HEATR5A: variants seen among roughly 807,000 people sequenced by gnomAD.
HEATR5A encodes the protein HEAT repeat containing 5A, also known as HEAT repeat-containing protein 5A.
In HEATR5A, 178 loss-of-function variants were observed where a neutral mutation model predicts 218.8. The ratio of observed to expected loss-of-function variants is 0.81; its 90% CI spans 0.72 to 0.92. HEATR5A has a LOEUF of 0.92. HEATR5A is among the 40% of genes least tolerant of loss of function. The pLI, the probability that HEATR5A is intolerant of heterozygous loss-of-function variation, is 0.00. For missense variants in HEATR5A, 2,420 were observed against 2,418.9 expected (o/e 1.00, Z -0.01); for synonymous variants, 864 against 871.6 (o/e 0.99, Z 0.15).
In HEATR5A at chr14:31,398,775, A is replaced by G. The variant is rs142425253; in HGVS notation, c.345T>C (p.Ala115=). 4 of 1,509,196 alleles carry G rather than the reference A, an allele frequency of 2.7e-6. No homozygotes were observed. In the East Asian group the frequency reaches 9.8e-5, roughly 37 times the overall value. The allele number at this position is 1,509,196 out of a possible 1,614,324, so 93.5% of individuals were successfully genotyped here. The part of the protein sequence containing the change: ...SPSYLPTKLA[A]VVCLGSLYKK... ...TGTACAAGGAACCCAAACATACCAC[A>G]GCAGCACTGAAACAACATTTAAATT... Residue 115 remains alanine (A), a synonymous_variant, in exon 4 of 36, where the codon GCT becomes GCC. Transcript: ENST00000543095.
Position 31,326,168 on chromosome 14 carries a change from G to A in HEATR5A, c.3542C>T (p.Ser1181Leu). Residue 1181 changes from serine (S) to leucine (L), a missense_variant, in exon 23 of 36, where the codon TCA (serine) becomes TTA (leucine). By Grantham distance (145) the Ser-to-Leu change is moderately radical (BLOSUM62 -2). Coordinates refer to ENST00000543095, the MANE Select transcript of HEATR5A (RefSeq NM_015473.4). ...TGATAATGTCCAATACTTACCAGCT[G>A]ATGCAGCAAGTACATCTTTACAAAG... ...LKLCKDVLAA[S>L]ADFTAVTCVD... 1.9e-6 allele frequency: 3 copies of A among 1,609,348 alleles called. No homozygotes were observed. Among genetic ancestry groups the A allele is most frequent in the South Asian group, 2.2e-5 (2 of 90,994 alleles).
chr14:31,353,786 G>A (rs757044728), intron 16 of HEATR5A, among the ~76,000 whole-genome samples: 2 of 151,390 alleles, frequency 1.3e-5, no homozygotes, highest in Non-Finnish European at 2.9e-5. Flanking sequence ...CATTGTTTAA[G>A]TCCATATTTA....
At chr14:31,377,912 T>C (rs1336954051) in intron 11 of HEATR5A, among the ~76,000 whole-genome samples, 1 of 152,258 alleles carries the variant, frequency 6.6e-6, no homozygotes, top group Non-Finnish European at 1.5e-5. Context: ...TCCCTTTTTG[T>C]ATGCTGATTA....
At position 31,306,761 on chromosome 14, in the gene HEATR5A, T is replaced by C. The variant is rs1199490266; in HGVS notation, c.4937A>G (p.His1646Arg). The C allele has an allele frequency of 2.5e-6, 4 of 1,611,850 alleles. No individual in the cohort carries two copies. The highest frequency in any genetic ancestry group is 1.7e-4 in the Middle Eastern group (1 of 6,058). The change falls in exon 31 of 36, where the codon CAT becomes CGT. Residue 1646 changes from histidine to arginine, a missense_variant. Coordinates refer to ENST00000543095, the MANE Select transcript of HEATR5A (RefSeq NM_015473.4). ...TGCACTTCGTCTTTTTTCCTTCACA[T>C]GTTCTTGAGCAGCACAGATAATCTG... ...VRQIICAAQE[H>R]VKEKRRSAEV...
At chr14:31,343,770 G>C (rs1012914676) in intron 21 of HEATR5A, 126 bp downstream of exon 21, 5 of 655,458 alleles carry the variant, frequency 7.6e-6, no homozygotes, top group Admixed American at 8.1e-5. Context: ...TAGAACTGAG[G>C]GGAAATAGCT....
intron 1 of HEATR5A, among the ~76,000 whole-genome samples, chr14:31,406,161 G>A (rs920417487): frequency 4.6e-5 from 7 of 152,078 alleles, no homozygotes; most frequent in South Asian, 2.1e-4. Flanking sequence ...TCTGCTATAC[G>A]TTTTAAAATA....
At position 31,398,661 on chromosome 14, in the gene HEATR5A, G is replaced by C. The variant is rs1412326126; in HGVS notation, c.447+12C>G. The stretch of plus-strand genomic sequence containing the variant: ...GTCTTTTCATTCTTTGGCTGAACTT[G>C]TAATTACTTACCTCTGCACTCTTCA... On this transcript the variant is annotated intron_variant, in intron 4 of 35. Coordinates refer to ENST00000543095, the MANE Select transcript of HEATR5A (RefSeq NM_015473.4). The C allele has an allele frequency of 3.7e-6, 5 of 1,365,978 alleles. No homozygotes were observed. Among genetic ancestry groups the C allele is most frequent in the Admixed American group, 4.1e-5 (2 of 49,022 alleles). The allele number at this position is 1,365,978 out of a possible 1,614,324, so 84.6% of individuals were successfully genotyped here.
chr14:31,292,834 G>A lies in HEATR5A; in HGVS notation c.*471C>T, dbSNP rs1166791181. On this transcript the variant is annotated 3_prime_UTR_variant, in exon 36 of 36. Coordinates refer to ENST00000543095, the MANE Select transcript of HEATR5A (RefSeq NM_015473.4). ...CCGACTTCGTGATCCGCCCGCCTTG[G>A]CCTTCCAAAGTGCTGGAATTACAGG... 1.3e-5 allele frequency: 2 copies of A among 153,020 alleles called. No individual in the cohort carries two copies. The highest frequency in any genetic ancestry group is 4.8e-5 in the African/African-American group (2 of 41,430). 9.5% of individuals were successfully genotyped at this position (153,020 alleles called of 1,614,324 possible). A position where few individuals can be genotyped will look rare whatever the true frequency, so the allele number is the denominator to read the frequency against.
At chr14:31,359,101 T>C in intron 14 of HEATR5A, 44 bp from the exon 15 acceptor site, 1 of 1,553,254 alleles carries the variant, frequency 6.4e-7, no homozygotes, top group Non-Finnish European at 8.7e-7. Context: ...ATTAATTATC[T>C]GGTGAGAGTA....
At chr14:31,371,549 A>G (rs1049280632) in intron 13 of HEATR5A, 2 of 253,966 alleles carry the variant, frequency 7.9e-6, no homozygotes, top group Non-Finnish European at 1.5e-5. Flanking sequence ...TAAAATGCAT[A>G]GCTGAAAAGG....
chr14:31,347,749 T>TG lies in HEATR5A; in HGVS notation c.2866dup (p.Gln956ProfsTer13). 1.9e-6 allele frequency: 3 copies of TG among 1,590,284 alleles called. No homozygotes were observed. The highest frequency in any genetic ancestry group is 2.6e-6 in the Non-Finnish European group (3 of 1,171,268). The stretch of plus-strand genomic sequence containing the variant: ...GGAAGTATCACATGAGGTACCCACC[T>TG]GCACATCAGGAGAAGTGCTGTCCTG... On this transcript the variant is annotated frameshift_variant and splice_region_variant, in exon 19 of 36. Transcript: ENST00000543095. LOFTEE classifies it high-confidence loss of function.
At chr14:31,392,538 C>G (rs1244892721) in intron 6 of HEATR5A, among the ~76,000 whole-genome samples, 1 of 152,076 alleles carries the variant, frequency 6.6e-6, no homozygotes, top group Non-Finnish European at 1.5e-5. Context: ...ATTAGAGATT[C>G]CTGAATAATC....
chr14:31,352,900 G>A (rs1901282697), intron 16 of HEATR5A, among the ~76,000 whole-genome samples: 1 of 151,656 alleles, frequency 6.6e-6, no homozygotes, highest in Non-Finnish European at 1.5e-5. Flanking sequence ...AGGTTGCAGT[G>A]AGCTGAGATG....
rs775214457 is a variant in HEATR5A at position 31,315,854 on chromosome 14, C to T, written c.4134G>A (p.Gln1378=). The T allele has an allele frequency of 9.6e-5, 154 of 1,611,220 alleles. No homozygotes were observed. The highest frequency in any genetic ancestry group is 1.1e-4 in the Non-Finnish European group (125 of 1,178,634). ...QLLVSSLTKI[Q]AGKEALSHLY... is the part of the protein sequence containing the mutation. ...AGTGACTTAGAGCTTCTTTTCCAGC[C>T]TGTATTTTAGTTAACGATGAAACAA... is the stretch of plus-strand genomic sequence containing the variant. Residue 1378 remains glutamine (Q), a synonymous_variant, in exon 27 of 36, where the codon CAG becomes CAA. Transcript: ENST00000543095.
intron 14 of HEATR5A, among the ~76,000 whole-genome samples, chr14:31,359,580 A>G (rs1422788983): frequency 6.6e-6 from 1 of 151,020 alleles, no homozygotes; most frequent in African/African-American, 2.4e-5. Context: ...CACAAAAATT[A>G]GCCGGGCGTG....
At chr14:31,405,397 G>A (rs2031026608) in intron 1 of HEATR5A, among the ~76,000 whole-genome samples, 1 of 152,152 alleles carries the variant, frequency 6.6e-6, no homozygotes, top group Non-Finnish European at 1.5e-5. Flanking sequence ...TCACACCACT[G>A]CACTCCAGAC....
At chr14:31,335,569 C>A (rs1205550142) in intron 22 of HEATR5A, among the ~76,000 whole-genome samples, 1 of 152,076 alleles carries the variant, frequency 6.6e-6, no homozygotes, top group Non-Finnish European at 1.5e-5. Flanking sequence ...ATATTATGGA[C>A]CTAAAAGCTT....
At chr14:31,379,486 G>A (rs1221059279) in intron 11 of HEATR5A, among the ~76,000 whole-genome samples, 1 of 151,420 alleles carries the variant, frequency 6.6e-6, no homozygotes, top group African/African-American at 2.4e-5. Flanking sequence ...CTGACCTCAA[G>A]TGATCCACCC....
chr14:31,318,349 CCCT>C, intron 25 of HEATR5A, 57 bp from the exon 26 acceptor site: 2 of 1,313,984 alleles, frequency 1.5e-6, no homozygotes, highest in Non-Finnish European at 2.2e-6. Context: ...CACAAGTTCT[CCCT>C]CTTTTTAATG....
Sources: gnomAD v4.1 joint callset for allele counts (sites outside exome capture counted in the v4.1 genomes callset) on GRCh38, gnomAD v4.1.1 for gene constraint, MANE v1.5 for transcripts, NCBI Gene and HGNC (gene_info 2026-07-23, HGNC 2026-07-21) for gene names.